The following TSHZ2 variants were observed in gnomAD, a reference collection of about 807,000 sequenced individuals.
The protein encoded by TSHZ2 is teashirt zinc finger homeobox 2, also known as teashirt homolog 2.
TSHZ2 carries 21 observed loss-of-function variants against 74.4 expected under a neutral mutation model. That is an observed-to-expected ratio of 0.28 (90% CI 0.20 to 0.41). The LOEUF is 0.41. Among genes scored for constraint, TSHZ2 ranks in the 10% least tolerant of loss-of-function variants. TSHZ2 has a pLI of 1.00. For synonymous variants in TSHZ2, 540 were observed against 515.3 expected (o/e 1.05, Z -0.65); for missense variants, 1,244 against 1,293.5 (o/e 0.96, Z 0.59).
chr20:53,363,766 T>A (rs1652858417), intron 2 of TSHZ2, among the ~76,000 whole-genome samples: 1 of 152,186 alleles, frequency 6.6e-6, no homozygotes. Flanking sequence ...TAAGCCAAGA[T>A]CATACTACTG....
chr20:53,460,747 T>C (rs932900255), intron 2 of TSHZ2, among the ~76,000 whole-genome samples: 2 of 152,212 alleles, frequency 1.3e-5, no homozygotes, highest in Non-Finnish European at 2.9e-5. Context: ...CCTTTCTGTT[T>C]GTTAGTTTTC....
intron 2 of TSHZ2, among the ~76,000 whole-genome samples, chr20:53,468,688 CAAAAAAAAA>C (rs1158529552): frequency 2.4e-3 from 160 of 65,402 alleles, no homozygotes; most frequent in African/African-American, 8.0e-3. Context: ...CATTACGAGA[CAAAAAAAAA>C]AAAAAAAAAA....
At chr20:53,005,035 G>A (rs1486427319) in intron 1 of TSHZ2, among the ~76,000 whole-genome samples, 5 of 152,126 alleles carry the variant, frequency 3.3e-5, no homozygotes, top group Admixed American at 2.0e-4. Flanking sequence ...GGTTTAAGCC[G>A]GGCCTGGTGG....
At chr20:53,238,837 A>G (rs1223347322) in intron 1 of TSHZ2, among the ~76,000 whole-genome samples, 1 of 59,116 alleles carries the variant, frequency 1.7e-5, no homozygotes, top group Non-Finnish European at 3.5e-5. Flanking sequence ...TCTTATATCT[A>G]AAAAAAAAAA....
intron 2 of TSHZ2, among the ~76,000 whole-genome samples, chr20:53,376,642 C>T (rs1981666657): frequency 6.6e-6 from 1 of 152,336 alleles, no homozygotes; most frequent in Admixed American, 6.5e-5. Flanking sequence ...GATTTCTCCA[C>T]TCATATCTGG....
At chr20:53,268,699 G>A (rs2123754712) in intron 2 of TSHZ2, among the ~76,000 whole-genome samples, 1 of 152,276 alleles carries the variant, frequency 6.6e-6, no homozygotes, top group Middle Eastern at 3.4e-3. Context: ...TAAACCCCAG[G>A]TTGCTCACCT....
At chr20:53,469,206 T>C (rs1443624167) in intron 2 of TSHZ2, among the ~76,000 whole-genome samples, 1 of 151,358 alleles carries the variant, frequency 6.6e-6, no homozygotes, top group African/African-American at 2.4e-5. Flanking sequence ...CTTGTTGGAT[T>C]GTTTTAATAA....
At chr20:52,998,973 C>T (rs1287825530) in intron 1 of TSHZ2, among the ~76,000 whole-genome samples, 20 of 152,202 alleles carry the variant, frequency 1.3e-4, no homozygotes, top group Non-Finnish European at 1.5e-5. Context: ...ACTTTCCACA[C>T]ATTCAGCATT....
At chr20:53,422,835 G>A (rs1283854626) in intron 2 of TSHZ2, among the ~76,000 whole-genome samples, 1 of 152,126 alleles carries the variant, frequency 6.6e-6, no homozygotes, top group African/African-American at 2.4e-5. Flanking sequence ...TATACAGTCA[G>A]GACTTCACGA....
At chr20:53,353,324 A>C (rs887456513) in intron 2 of TSHZ2, among the ~76,000 whole-genome samples, 9 of 152,202 alleles carry the variant, frequency 5.9e-5, no homozygotes, top group Non-Finnish European at 1.3e-4. Flanking sequence ...CTAGCTATTC[A>C]AGACCATCTG....
intron 1 of TSHZ2, among the ~76,000 whole-genome samples, chr20:53,172,605 G>T (rs185718843): frequency 3.3e-5 from 5 of 152,206 alleles, no homozygotes; most frequent in East Asian, 1.9e-4. Context: ...TTGTAAAATC[G>T]ACTCTGTGCC....
intron 1 of TSHZ2, among the ~76,000 whole-genome samples, chr20:53,021,401 G>A (rs572178894): frequency 6.6e-6 from 1 of 152,278 alleles, no homozygotes; most frequent in East Asian, 1.9e-4. Flanking sequence ...TGATTCCAAA[G>A]CACACTAGTT....
At chr20:53,064,218 G>C (rs1984906581) in intron 1 of TSHZ2, among the ~76,000 whole-genome samples, 1 of 152,124 alleles carries the variant, frequency 6.6e-6, no homozygotes. Flanking sequence ...AAAACATTAG[G>C]AGATCTCTGG....
At chr20:53,195,260 A>C (rs1470587625) in intron 1 of TSHZ2, among the ~76,000 whole-genome samples, 2 of 152,188 alleles carry the variant, frequency 1.3e-5, no homozygotes, top group Admixed American at 1.3e-4. Context: ...CATTAATGAA[A>C]AAATAAATAA....
chr20:53,154,765 A>G (rs2123448784), intron 1 of TSHZ2, among the ~76,000 whole-genome samples: 1 of 152,302 alleles, frequency 6.6e-6, no homozygotes, highest in Middle Eastern at 3.4e-3. Context: ...TGAGTATAGA[A>G]GTGTAGCTCC....
At chr20:53,164,543 T>G (rs115318062) in intron 1 of TSHZ2, among the ~76,000 whole-genome samples, 1 of 152,194 alleles carries the variant, frequency 6.6e-6, no homozygotes, top group African/African-American at 2.4e-5. Flanking sequence ...ATACCCTCTA[T>G]CTGTATGTCT....
chr20:53,202,624 G>A (rs1233787653), intron 1 of TSHZ2, among the ~76,000 whole-genome samples: 1 of 152,090 alleles, frequency 6.6e-6, no homozygotes, highest in Non-Finnish European at 1.5e-5. Flanking sequence ...ATAAGATTGA[G>A]ACTTATGCAA....
intron 1 of TSHZ2, chr20:53,097,537 A>G (rs1986089752): frequency 6.6e-6 from 1 of 152,182 alleles, no homozygotes; most frequent in African/African-American, 2.4e-5. Flanking sequence ...CATGCAGCAA[A>G]TCCAGTTAGT....
intron 1 of TSHZ2, among the ~76,000 whole-genome samples, chr20:53,145,053 G>A (rs1987506950): frequency 6.6e-6 from 1 of 152,148 alleles, no homozygotes; most frequent in African/African-American, 2.4e-5. Context: ...CCACAAGAAT[G>A]TATTCAACTA....
Sources: gnomAD v4.1 joint callset for allele counts (sites outside exome capture counted in the v4.1 genomes callset) on GRCh38, gnomAD v4.1.1 for gene constraint, MANE v1.5 for transcripts, NCBI Gene and HGNC (gene_info 2026-07-23, HGNC 2026-07-21) for gene names.